The following CCNY variants were observed in gnomAD, a reference collection of about 807,000 sequenced individuals.
CCNY encodes cyclin-Y.
A neutral mutation model predicts 42.8 loss-of-function variants in CCNY; 19 were observed. The ratio of observed to expected loss-of-function variants is 0.44; its 90% CI spans 0.31 to 0.65. The LOEUF (loss-of-function observed/expected upper bound fraction) is 0.65, where lower values mean the gene tolerates loss of function less well. CCNY is among the 30% of genes least tolerant of loss of function. The probability of loss-of-function intolerance (pLI) is 0.07; values close to 1 mark genes in which losing one functional copy is unlikely to be tolerated. For missense variants in CCNY, 370 were observed against 437.3 expected (o/e 0.85, Z 1.37); for synonymous variants, 165 against 162.7 (o/e 1.01, Z -0.11).
At chr10:35,360,289 T>TTTTC (rs1836654501) in intron 1 of CCNY, among the ~76,000 whole-genome samples, 3 of 742 alleles carry the variant, frequency 4.0e-3, no homozygotes, top group Non-Finnish European at 8.5e-3. Context: ...TTTTCTTTTC[T>TTTTC]TTTTTTTTTT....
intron 1 of CCNY, among the ~76,000 whole-genome samples, chr10:35,393,063 C>T (rs1397831830): frequency 1.3e-5 from 2 of 152,168 alleles, no homozygotes; most frequent in Non-Finnish European, 2.9e-5. Flanking sequence ...GCTCCCTCTG[C>T]GCATTGGTGC....
chr10:35,355,541 G>A (rs1368109476), intron 1 of CCNY, among the ~76,000 whole-genome samples: 1 of 151,840 alleles, frequency 6.6e-6, no homozygotes, highest in African/African-American at 2.4e-5. Context: ...AGCTGGGTGT[G>A]GTAGCGCATG....
rs1225560293 is a variant in CCNY, at chr10:35,494,233, G to GAC, written c.230-7267_230-7266dup. Among the ~76,000 whole-genome samples, 3 of 19,850 alleles carry GAC rather than the reference G, an allele frequency of 1.5e-4. 1 individual carries two copies. The highest frequency in any genetic ancestry group is 6.1e-4 in the Admixed American group (1 of 1,644). 13.0% of individuals were successfully genotyped at this position (19,850 alleles called of 152,430 possible). On this transcript the variant is annotated intron_variant, in intron 2 of 9. Transcript: ENST00000374704. ...AAGACCAGCCTGGACAGCATAGTGA[G>GAC]ACCCCCCCCCCCATTTCTACAAAAA...
intron 3 of CCNY, among the ~76,000 whole-genome samples, chr10:35,268,151 T>C (rs912093889): frequency 1.3e-5 from 2 of 152,234 alleles, no homozygotes; most frequent in African/African-American, 4.8e-5. Flanking sequence ...TGCCTTGGCC[T>C]CCCAAAATGC....
At chr10:35,385,239 A>G (rs1221828013) in intron 1 of CCNY, among the ~76,000 whole-genome samples, 1 of 152,220 alleles carries the variant, frequency 6.6e-6, no homozygotes, top group Admixed American at 6.5e-5. Context: ...TCAAATTATC[A>G]TACTCTTATT....
intron 3 of CCNY, among the ~76,000 whole-genome samples, chr10:35,309,804 T>C (rs1259712327): frequency 6.6e-6 from 1 of 152,028 alleles, no homozygotes; most frequent in African/African-American, 2.4e-5. Flanking sequence ...TTTACTTATT[T>C]ATTTATTTAT....
chr10:35,293,787 G>A (rs1422513827), intron 3 of CCNY, among the ~76,000 whole-genome samples: 4 of 148,524 alleles, frequency 2.7e-5, no homozygotes, highest in Non-Finnish European at 6.0e-5. Context: ...ACATACAATT[G>A]ATTTTTTTTT....
chr10:35,415,486 G>A (rs1838004304), intron 1 of CCNY, among the ~76,000 whole-genome samples: 1 of 152,176 alleles, frequency 6.6e-6, no homozygotes, highest in Non-Finnish European at 1.5e-5. Context: ...AGGCAGAAGG[G>A]CTTTGTGGAC....
intron 1 of CCNY, among the ~76,000 whole-genome samples, chr10:35,418,654 T>C (rs1442487917): frequency 9.2e-5 from 14 of 151,594 alleles, no homozygotes; most frequent in African/African-American, 2.9e-4. Flanking sequence ...GTAGGGGGCG[T>C]ATGTGGGGGA....
intron 3 of CCNY, among the ~76,000 whole-genome samples, chr10:35,291,011 T>TC (rs1835407066): frequency 7.2e-6 from 1 of 138,084 alleles, no homozygotes; most frequent in South Asian, 2.2e-4. Context: ...GAAATATGAC[T>TC]TTTTTTTTTT....
At chr10:35,414,745 C>A (rs868638192) in intron 1 of CCNY, among the ~76,000 whole-genome samples, 1 of 152,168 alleles carries the variant, frequency 6.6e-6, no homozygotes, top group Non-Finnish European at 1.5e-5. Flanking sequence ...ACTTCACTAT[C>A]AGATGAGATT....
In CCNY at chr10:35,521,262, C is replaced by T. The variant is rs191558155; in HGVS notation, c.365+4639C>T. On this transcript the variant is annotated intron_variant, in intron 4 of 9. Coordinates refer to ENST00000374704, the MANE Select transcript of CCNY (RefSeq NM_145012.6). ...GGGCTCTGGCCCTTCCTTGGTGAAA[C>T]TGCACCATTTTCTGAGGTCTTGGCA... is the stretch of plus-strand genomic sequence containing the variant. Among the ~76,000 whole-genome samples, 52 of 152,356 alleles carry T rather than the reference C, an allele frequency of 3.4e-4. 1 individual carries two copies. Among genetic ancestry groups the T allele is most frequent in the African/African-American group, 1.0e-3 (43 of 41,594 alleles).
At chr10:35,522,129 G>A (rs1840559470) in intron 4 of CCNY, among the ~76,000 whole-genome samples, 1 of 152,150 alleles carries the variant, frequency 6.6e-6, no homozygotes, top group African/African-American at 2.4e-5. Context: ...ACTGCCTCTA[G>A]AAAAAAACCC....
chr10:35,479,437 T>C lies in CCNY; in HGVS notation c.155-3967T>C, dbSNP rs112515333. 4.9e-3 allele frequency among the ~76,000 whole-genome samples: 692 copies of C among 140,250 alleles called. 1 individual carries two copies. The highest frequency in any genetic ancestry group is 7.7e-3 in the Non-Finnish European group (493 of 64,136). 92.0% of individuals were successfully genotyped at this position (140,250 alleles called of 152,430 possible). Reference sequence around the variant, plus strand: ...AATACTATGCAGCCATAAAAAATGATGAGTTCATGTCCTTTGTAGGGACAT... The same window carrying C: ...AATACTATGCAGCCATAAAAAATGACGAGTTCATGTCCTTTGTAGGGACAT... On this transcript the variant is annotated intron_variant, in intron 1 of 9. Transcript: ENST00000374704.
chr10:35,306,390 C>G (rs1369103202), intron 3 of CCNY, among the ~76,000 whole-genome samples: 3 of 152,204 alleles, frequency 2.0e-5, no homozygotes, highest in Non-Finnish European at 4.4e-5. Context: ...AGGCATCTTG[C>G]TTCTTTGTAC....
intron 2 of CCNY, among the ~76,000 whole-genome samples, chr10:35,490,560 C>T (rs542020455): frequency 2.4e-4 from 36 of 152,320 alleles, no homozygotes; most frequent in African/African-American, 6.3e-4. Flanking sequence ...CGCTGCTCCC[C>T]GAGCTTTGCT....
rs191033993 is a variant in CCNY at position 35,535,237 on chromosome 10, G to A, written c.579+4994G>A. Among the ~76,000 whole-genome samples the A allele has an allele frequency of 9.9e-5, 15 of 152,074 alleles. No individual in the cohort carries two copies. In the East Asian group the frequency reaches 2.9e-3, roughly 30 times the overall value. On this transcript the variant is annotated intron_variant, in intron 7 of 9. Coordinates refer to ENST00000374704, the MANE Select transcript of CCNY (RefSeq NM_145012.6). ...TAAAGGAGATACAGAGAAGGGGGTG[G>A]TTGTCAGTCAGCTGCTTGACTTAGA...
intron 3 of CCNY, among the ~76,000 whole-genome samples, chr10:35,263,540 T>TTAAAATAAAA (rs546536294): frequency 6.7e-6 from 1 of 149,940 alleles, no homozygotes; most frequent in African/African-American, 2.5e-5. Flanking sequence ...AGACCCTGTC[T>TTAAAATAAAA]TAAAATAAAA....
At chr10:35,513,753 C>G (rs1334002426) in intron 3 of CCNY, among the ~76,000 whole-genome samples, 2 of 152,186 alleles carry the variant, frequency 1.3e-5, no homozygotes, top group African/African-American at 4.8e-5. Context: ...CCTGCTGTTT[C>G]TCCAGCACAT....
Sources: gnomAD v4.1 joint callset for allele counts (sites outside exome capture counted in the v4.1 genomes callset) on GRCh38, gnomAD v4.1.1 for gene constraint, MANE v1.5 for transcripts, NCBI Gene and HGNC (gene_info 2026-07-23, HGNC 2026-07-21) for gene names.